Variants in FSTL4 observed in about 807,000 individuals in gnomAD.
FSTL4 encodes follistatin-related protein 4.
Under a neutral mutation model 78.2 loss-of-function variants are expected in FSTL4, and 28 were observed. The ratio of observed to expected loss-of-function variants is 0.36; its 90% CI spans 0.27 to 0.49. FSTL4 has a LOEUF of 0.49. FSTL4 is among the 20% of genes least tolerant of loss of function. The pLI is 0.98. For missense variants in FSTL4, 922 were observed against 1,084.9 expected (o/e 0.85, Z 2.11); for synonymous variants, 422 against 440.5 (o/e 0.96, Z 0.53).
chr5:133,416,514 C>T (rs567919465), intron 3 of FSTL4, among the ~76,000 whole-genome samples: 14 of 152,016 alleles, frequency 9.2e-5, no homozygotes, highest in Admixed American at 3.3e-4. Flanking sequence ...GTATCTCATC[C>T]GAAAACATTT....
At chr5:133,490,834 T>G (rs1580742714) in intron 3 of FSTL4, among the ~76,000 whole-genome samples, 1 of 152,338 alleles carries the variant, frequency 6.6e-6, no homozygotes, top group East Asian at 1.9e-4. Context: ...GTATTAGGTG[T>G]GGAGTTTTAC....
intron 3 of FSTL4, among the ~76,000 whole-genome samples, chr5:133,521,612 C>T (rs1233273321): frequency 6.6e-6 from 1 of 152,138 alleles, no homozygotes; most frequent in East Asian, 1.9e-4. Flanking sequence ...GAACCTAATA[C>T]ATTTTAACAG....
At chr5:133,435,383 C>A (rs1371349411) in intron 3 of FSTL4, among the ~76,000 whole-genome samples, 6 of 152,148 alleles carry the variant, frequency 3.9e-5, no homozygotes. Context: ...AAAAGTCCTG[C>A]AATAAAAATA....
At chr5:133,546,127 G>A (rs1230335490) in intron 3 of FSTL4, among the ~76,000 whole-genome samples, 1 of 152,138 alleles carries the variant, frequency 6.6e-6, no homozygotes, top group Non-Finnish European at 1.5e-5. Context: ...TAGTGAGAGA[G>A]GAAAAAGTGA....
At chr5:133,270,980 C>T (rs1050370568) in intron 6 of FSTL4, among the ~76,000 whole-genome samples, 9 of 152,228 alleles carry the variant, frequency 5.9e-5, no homozygotes, top group Admixed American at 2.6e-4. Context: ...ACACTTGGCT[C>T]TCTGAGGTTC....
intron 4 of FSTL4, among the ~76,000 whole-genome samples, chr5:133,374,700 TA>T (rs1561691155): frequency 1.3e-5 from 2 of 151,644 alleles, no homozygotes; most frequent in African/African-American, 4.8e-5. Flanking sequence ...AATACCCTTT[TA>T]AAAAAAAGAC....
At chr5:133,528,421 G>A (rs1759180572) in intron 3 of FSTL4, among the ~76,000 whole-genome samples, 1 of 151,488 alleles carries the variant, frequency 6.6e-6, no homozygotes, top group Non-Finnish European at 1.5e-5. Flanking sequence ...CTGCCCCACT[G>A]GGCCATCTCC....
intron 3 of FSTL4, among the ~76,000 whole-genome samples, chr5:133,521,018 C>G (rs1429771360): frequency 6.6e-6 from 1 of 151,484 alleles, no homozygotes; most frequent in Non-Finnish European, 1.5e-5. Context: ...TGTTTAAAAA[C>G]TTTAAAAAGT....
the FSTL4 span, among the ~76,000 whole-genome samples, chr5:133,642,409 A>T: frequency 6.6e-6 from 1 of 152,128 alleles, no homozygotes; most frequent in African/African-American, 2.4e-5. Flanking sequence ...CTCCAAACCT[A>T]CTTCTTTGTC....
chr5:133,272,173 A>G (rs1752781606), intron 6 of FSTL4, among the ~76,000 whole-genome samples: 1 of 152,270 alleles, frequency 6.6e-6, no homozygotes, highest in Non-Finnish European at 1.5e-5. Context: ...AAAGGAAGCC[A>G]GAATTCTATT....
rs143075580 is a variant in FSTL4, at chr5:133,227,143, A to G, written c.1016-1324T>C. 1.6e-3 allele frequency among the ~76,000 whole-genome samples: 240 copies of G among 152,372 alleles called. 1 individual carries two copies. Among genetic ancestry groups the G allele is most frequent in the African/African-American group, 5.6e-3 (231 of 41,592 alleles). The stretch of plus-strand genomic sequence containing the variant: ...CCTCCAATGGTCCAGAGCTGTTTCA[A>G]TAACATGAGCTCAGGGCACCCAATG... On this transcript the variant is annotated intron_variant, in intron 8 of 15. Transcript: ENST00000265342.
chr5:133,599,126 C>T (rs556204481), intron 2 of FSTL4, among the ~76,000 whole-genome samples: 11 of 152,180 alleles, frequency 7.2e-5, no homozygotes, highest in South Asian at 6.2e-4. Context: ...GGGACACTAG[C>T]GTTAAGACAA....
intron 3 of FSTL4, among the ~76,000 whole-genome samples, chr5:133,429,780 C>T (rs1449645399): frequency 6.6e-6 from 1 of 152,194 alleles, no homozygotes; most frequent in South Asian, 2.1e-4. Context: ...AGGCATCCAC[C>T]TTCAGCATGA....
the FSTL4 span, among the ~76,000 whole-genome samples, chr5:133,704,293 C>T: frequency 6.6e-6 from 1 of 152,206 alleles, no homozygotes; most frequent in Non-Finnish European, 1.5e-5. Flanking sequence ...TTTTAACAAA[C>T]AGCTTCATGG....
the FSTL4 span, among the ~76,000 whole-genome samples, chr5:133,685,820 G>A: frequency 6.6e-6 from 1 of 152,198 alleles, no homozygotes; most frequent in Non-Finnish European, 1.5e-5. Flanking sequence ...TGCCTCCACT[G>A]GCAACTGCCT....
the FSTL4 span, among the ~76,000 whole-genome samples, chr5:133,777,094 T>C: frequency 6.6e-6 from 1 of 152,218 alleles, no homozygotes; most frequent in Non-Finnish European, 1.5e-5. Flanking sequence ...ATAATGATTT[T>C]ATTTGGCTCA....
chr5:133,616,011 G>A (rs1435087524), upstream of FSTL4, among the ~76,000 whole-genome samples: 1 of 152,242 alleles, frequency 6.6e-6, no homozygotes, highest in East Asian at 1.9e-4. Flanking sequence ...AAACTCACAG[G>A]GGCTGGATTG....
rs769706727 is a variant in FSTL4 at position 133,316,655 on chromosome 5, G to A, written c.410-3C>T. ...GCCGGCCATGGTGCACGTGTCACCT[G>A]AAAGAGAAGGTGAGGTTATTATTTT... On this transcript the variant is annotated splice_region_variant and splice_polypyrimidine_tract_variant and intron_variant, in intron 4 of 15. Transcript: ENST00000265342. 5 of 1,601,560 alleles carry A rather than the reference G, an allele frequency of 3.1e-6. No individual in the cohort carries two copies. The East Asian group carries it at 1.1e-4, about 36-fold the overall frequency.
chr5:133,714,247 G>A, the FSTL4 span, among the ~76,000 whole-genome samples: 2 of 152,146 alleles, frequency 1.3e-5, no homozygotes, highest in South Asian at 2.1e-4. Context: ...ATGGCCCCCC[G>A]TCTCTGGCAA....
Sources: allele counts gnomAD v4.1 joint callset (sites outside exome capture counted in the v4.1 genomes callset), GRCh38; gene constraint gnomAD v4.1.1; transcripts MANE v1.5; gene names NCBI Gene and HGNC (gene_info 2026-07-23, HGNC 2026-07-21).